ANO3: variants seen among roughly 807,000 people sequenced by gnomAD.
ANO3 encodes anoctamin 3.
Under a neutral mutation model 144.8 loss-of-function variants are expected in ANO3, and 99 were observed. The observed-to-expected ratio is 0.68, with a 90% CI of 0.58 to 0.81. The LOEUF is 0.81. ANO3 is among the 30% of genes least tolerant of loss of function. ANO3 has a pLI of 0.00. For missense variants in ANO3, 905 were observed against 1,202.2 expected (o/e 0.75, Z 3.66); for synonymous variants, 414 against 392.6 (o/e 1.05, Z -0.64).
intron 1 of ANO3, among the ~76,000 whole-genome samples, chr11:26,201,557 G>T (rs941664648): frequency 9.9e-5 from 15 of 151,914 alleles, no homozygotes; most frequent in Non-Finnish European, 1.9e-4. Flanking sequence ...AACATATGAA[G>T]AGCTGACTGA....
chr11:26,518,117 C>T (rs1381668696), intron 6 of ANO3, among the ~76,000 whole-genome samples: 1 of 151,972 alleles, frequency 6.6e-6, no homozygotes, highest in Non-Finnish European at 1.5e-5. Flanking sequence ...AATATTCTTT[C>T]CAATTCCTCA....
At chr11:26,565,864 G>C (rs367607457) in intron 14 of ANO3, 170 of 1,591,666 alleles carry the variant, frequency 1.1e-4, no homozygotes, top group Non-Finnish European at 1.3e-4. Flanking sequence ...AACATTGTAG[G>C]CTTCTTTGGT....
intron 1 of ANO3, among the ~76,000 whole-genome samples, chr11:26,372,278 C>T (rs1243980342): frequency 6.6e-6 from 1 of 152,136 alleles, no homozygotes; most frequent in Non-Finnish European, 1.5e-5. Flanking sequence ...AGGTTTGCTT[C>T]CCCTTCTGCC....
At chr11:26,201,707 G>T (rs1851695859) in intron 1 of ANO3, among the ~76,000 whole-genome samples, 1 of 151,444 alleles carries the variant, frequency 6.6e-6, no homozygotes, top group Non-Finnish European at 1.5e-5. Context: ...TGTCATGATA[G>T]TGGAGTAGTA....
At chr11:26,544,227 A>G (rs1346951866) in intron 11 of ANO3, among the ~76,000 whole-genome samples, 1 of 93,566 alleles carries the variant, frequency 1.1e-5, no homozygotes. Context: ...CTCCTTTTTT[A>G]AGGTTAAGTA....
chr11:26,472,165 C>A (rs982917876), intron 4 of ANO3, among the ~76,000 whole-genome samples: 1 of 151,944 alleles, frequency 6.6e-6, no homozygotes. Flanking sequence ...GTTGTTCAGA[C>A]ATGAAAGCAG....
At chr11:26,279,110 C>T (rs1473677909) in intron 1 of ANO3, among the ~76,000 whole-genome samples, 2 of 152,098 alleles carry the variant, frequency 1.3e-5, no homozygotes, top group Admixed American at 6.6e-5. Flanking sequence ...CTGGTGACCA[C>T]TCCAATAATC....
intron 1 of ANO3, among the ~76,000 whole-genome samples, chr11:26,321,612 C>T (rs1246464590): frequency 6.6e-6 from 1 of 151,956 alleles, no homozygotes; most frequent in Non-Finnish European, 1.5e-5. Flanking sequence ...TCTTCCTACA[C>T]TCAAGAATAA....
At chr11:26,407,605 T>C (rs1857322676) in intron 1 of ANO3, among the ~76,000 whole-genome samples, 1 of 151,908 alleles carries the variant, frequency 6.6e-6, no homozygotes, top group Non-Finnish European at 1.5e-5. Flanking sequence ...ATTTATGTCT[T>C]GTCATGATTT....
chr11:26,565,924 T>C, intron 14 of ANO3: 2 of 1,527,508 alleles, frequency 1.3e-6, no homozygotes, highest in Middle Eastern at 2.2e-4. Context: ...TAATTTGAAT[T>C]CCTTAAATAA....
At chr11:26,557,620 A>G (rs1850127352) in intron 13 of ANO3, among the ~76,000 whole-genome samples, 1 of 152,176 alleles carries the variant, frequency 6.6e-6, no homozygotes, top group African/African-American at 2.4e-5. Flanking sequence ...TATGCTGCTT[A>G]TGGAATTTTC....
intron 1 of ANO3, among the ~76,000 whole-genome samples, chr11:26,388,430 A>T (rs1223440134): frequency 1.3e-5 from 2 of 152,184 alleles, no homozygotes; most frequent in Non-Finnish European, 2.9e-5. Context: ...GTTGGTATCA[A>T]ATACACAACA....
At chr11:26,462,948 TGA>T (rs1859465860) in intron 3 of ANO3, 80 bp from the exon 4 acceptor site, 1 of 618,560 alleles carries the variant, frequency 1.6e-6, no homozygotes, top group Admixed American at 3.3e-5. Context: ...TGGGAAAACA[TGA>T]AAGAGGAGAG....
chr11:26,488,554 C>T (rs191189110), intron 4 of ANO3, among the ~76,000 whole-genome samples: 5 of 152,274 alleles, frequency 3.3e-5, no homozygotes, highest in African/African-American at 7.2e-5. Flanking sequence ...TTTCTTCCTT[C>T]TGGTGGGTTC....
At chr11:26,344,809 G>T (rs958941679) in intron 1 of ANO3, among the ~76,000 whole-genome samples, 1 of 152,136 alleles carries the variant, frequency 6.6e-6, no homozygotes, top group Admixed American at 6.5e-5. Context: ...CTTGCAATTA[G>T]TCATAGCTCT....
intron 17 of ANO3, among the ~76,000 whole-genome samples, chr11:26,623,738 T>TAAA (rs200333374): frequency 2.0e-5 from 3 of 150,890 alleles, no homozygotes; most frequent in Admixed American, 1.3e-4. Flanking sequence ...TCCAGTGTTG[T>TAAA]AAAAAAAAAC....
intron 1 of ANO3, among the ~76,000 whole-genome samples, chr11:26,303,569 T>C (rs1346518225): frequency 2.0e-5 from 3 of 152,164 alleles, no homozygotes; most frequent in African/African-American, 7.2e-5. Flanking sequence ...AAGGAACGCA[T>C]GGACTGAAAA....
intron 10 of ANO3, among the ~76,000 whole-genome samples, chr11:26,540,945 G>A (rs1164493530): frequency 6.6e-6 from 1 of 151,934 alleles, no homozygotes; most frequent in African/African-American, 2.4e-5. Context: ...CCTATTACTG[G>A]GTATATACCC....
At chr11:26,415,735 A>G (rs1477668228) in intron 1 of ANO3, among the ~76,000 whole-genome samples, 1 of 152,136 alleles carries the variant, frequency 6.6e-6, no homozygotes, top group African/African-American at 2.4e-5. Context: ...CAAGGGAAAT[A>G]CAGCCAGGCA....
Sources: allele counts gnomAD v4.1 joint callset (sites outside exome capture counted in the v4.1 genomes callset), GRCh38; gene constraint gnomAD v4.1.1; transcripts MANE v1.5; gene names NCBI Gene and HGNC (gene_info 2026-07-23, HGNC 2026-07-21).